ERC1: variants seen among roughly 807,000 people sequenced by gnomAD.
The protein encoded by ERC1 is RAB6 interacting protein 2.
ERC1 carries 56 observed loss-of-function variants against 132.0 expected under a neutral mutation model. The ratio of observed to expected loss-of-function variants is 0.42; its 90% CI spans 0.34 to 0.53. ERC1 has a LOEUF of 0.53. Among genes scored for constraint, ERC1 ranks in the 20% least tolerant of loss-of-function variants. The pLI is 0.03. For missense variants in ERC1, 1,202 were observed against 1,349.9 expected (o/e 0.89, Z 1.72); for synonymous variants, 478 against 476.1 (o/e 1.00, Z -0.05).
At chr12:1,024,785 C>A (rs1309429926) in intron 1 of ERC1, among the ~76,000 whole-genome samples, 1 of 147,188 alleles carries the variant, frequency 6.8e-6, no homozygotes, top group African/African-American at 2.5e-5. Context: ...GCTCAAACCA[C>A]CTGTGGACCA....
At chr12:1,126,134 A>G (rs1284215880) in intron 7 of ERC1, among the ~76,000 whole-genome samples, 3 of 152,234 alleles carry the variant, frequency 2.0e-5, no homozygotes, top group Non-Finnish European at 4.4e-5. Context: ...TTATGTCTGT[A>G]TATCTTACCT....
intron 17 of ERC1, among the ~76,000 whole-genome samples, chr12:1,421,916 C>T (rs1447653490): frequency 6.6e-6 from 1 of 151,646 alleles, no homozygotes; most frequent in African/African-American, 2.4e-5. Flanking sequence ...GTCCCAGCTA[C>T]TTGGGAAGCT....
At chr12:1,097,506 C>T (rs958282167) in intron 3 of ERC1, among the ~76,000 whole-genome samples, 1 of 152,066 alleles carries the variant, frequency 6.6e-6, no homozygotes, top group African/African-American at 2.4e-5. Context: ...TTGAATTTTT[C>T]CCAGCCCTAT....
intron 8 of ERC1, among the ~76,000 whole-genome samples, chr12:1,169,684 A>G (rs944364066): frequency 2.6e-5 from 4 of 152,186 alleles, no homozygotes; most frequent in African/African-American, 4.8e-5. Context: ...TAAAAATTCA[A>G]TGAGATGAAC....
At chr12:1,096,834 A>G (rs1305576993) in intron 3 of ERC1, among the ~76,000 whole-genome samples, 1 of 152,182 alleles carries the variant, frequency 6.6e-6, no homozygotes, top group Non-Finnish European at 1.5e-5. Flanking sequence ...AGCCACCCAG[A>G]AGTCCTGTAC....
intron 18 of ERC1, among the ~76,000 whole-genome samples, chr12:1,451,218 T>C (rs1371021222): frequency 6.6e-6 from 1 of 152,258 alleles, no homozygotes; most frequent in Non-Finnish European, 1.5e-5. Context: ...ATTAAGATTA[T>C]AAAATAATAT....
In ERC1 at chr12:1,268,146, T is replaced by C. The variant is rs139784817; in HGVS notation, c.2619+4981T>C. ...GGTAGAGGGGTATGTCTGTAGAAGA[T>C]AATGTACACTAATAGAACTATAATT... On this transcript the variant is annotated intron_variant, in intron 14 of 18. Transcript: ENST00000360905. 4.4e-3 allele frequency among the ~76,000 whole-genome samples: 670 copies of C among 152,340 alleles called. 10 individuals carry two copies. Among genetic ancestry groups the C allele is most frequent in the African/African-American group, 0.015 (638 of 41,584 alleles).
chr12:1,143,111 C>T (rs981260853), intron 8 of ERC1, among the ~76,000 whole-genome samples: 1 of 152,102 alleles, frequency 6.6e-6, no homozygotes, highest in Non-Finnish European at 1.5e-5. Flanking sequence ...CCATGTTGGC[C>T]AGGCCGGTTT....
rs150098957 is a variant in ERC1 at position 1,458,700 on chromosome 12, G to A, written c.3213+13950G>A. On this transcript the variant is annotated intron_variant, in intron 18 of 18. Coordinates refer to ENST00000360905, the MANE Select transcript of ERC1 (RefSeq NM_178040.4). ...ATTACAGGCATGCGCCACCATGCCC[G>A]GCTAATTTTGTATTTTTAGTAGAGA... 5.6e-4 allele frequency among the ~76,000 whole-genome samples: 85 copies of A among 152,108 alleles called. 2 individuals are homozygous for A. Among genetic ancestry groups the A allele is most frequent in the Admixed American group, 3.2e-3 (49 of 15,298 alleles).
intron 2 of ERC1, among the ~76,000 whole-genome samples, chr12:1,040,315 T>C (rs1462351539): frequency 6.6e-6 from 1 of 150,542 alleles, no homozygotes; most frequent in Non-Finnish European, 1.5e-5. Context: ...TTTTCTTTTT[T>C]TCTTTTTTCT....
chr12:1,189,735 C>T, intron 11 of ERC1, 124 bp from the exon 12 acceptor site: 1 of 681,780 alleles, frequency 1.5e-6, no homozygotes, highest in Non-Finnish European at 2.3e-6. Context: ...TTATAAATTA[C>T]AAACTAACTG....
At chr12:1,097,649 T>C (rs1944206729) in intron 3 of ERC1, among the ~76,000 whole-genome samples, 1 of 152,152 alleles carries the variant, frequency 6.6e-6, no homozygotes, top group Admixed American at 6.5e-5. Context: ...AAGGGGACCC[T>C]TGTCAGGTTA....
chr12:1,000,444 C>A (rs566314085), intron 1 of ERC1, among the ~76,000 whole-genome samples: 1 of 151,196 alleles, frequency 6.6e-6, no homozygotes, highest in Non-Finnish European at 1.5e-5. Context: ...TGGGATTACA[C>A]CACTGCACTC....
chr12:1,407,834 G>A (rs575549649), intron 16 of ERC1, among the ~76,000 whole-genome samples: 50 of 151,858 alleles, frequency 3.3e-4, no homozygotes, highest in Middle Eastern at 3.2e-3. Context: ...TTCTTCTTAC[G>A]AAGCCCAGTC....
intron 12 of ERC1, among the ~76,000 whole-genome samples, chr12:1,200,001 C>T (rs1956758901): frequency 6.6e-6 from 1 of 151,478 alleles, no homozygotes; most frequent in African/African-American, 2.4e-5. Context: ...GTTATTTGCA[C>T]ATGTGTATGT....
At chr12:1,221,936 G>A (rs981157509) in intron 12 of ERC1, among the ~76,000 whole-genome samples, 9 of 152,156 alleles carry the variant, frequency 5.9e-5, no homozygotes, top group Non-Finnish European at 1.3e-4. Flanking sequence ...TGGTATCATT[G>A]TACAAATATC....
At chr12:1,339,786 G>C (rs915631332) in intron 15 of ERC1, among the ~76,000 whole-genome samples, 1 of 152,160 alleles carries the variant, frequency 6.6e-6, no homozygotes, top group Non-Finnish European at 1.5e-5. Context: ...TGGTTGCTCA[G>C]GGTTGGGGAG....
intron 8 of ERC1, among the ~76,000 whole-genome samples, chr12:1,160,570 G>T (rs1200683789): frequency 1.3e-5 from 2 of 152,084 alleles, no homozygotes; most frequent in African/African-American, 4.8e-5. Context: ...AATTAGCTGG[G>T]CGTGGTGGTG....
At chr12:1,457,221 A>G (rs754276038) in intron 18 of ERC1, among the ~76,000 whole-genome samples, 22 of 152,198 alleles carry the variant, frequency 1.4e-4, no homozygotes, top group Non-Finnish European at 2.6e-4. Context: ...TCAGTCTGTG[A>G]TGTTCCCACA....
Sources: allele counts gnomAD v4.1 joint callset (sites outside exome capture counted in the v4.1 genomes callset), GRCh38; gene constraint gnomAD v4.1.1; transcripts MANE v1.5; gene names NCBI Gene and HGNC (gene_info 2026-07-23, HGNC 2026-07-21).